Variants in NOX4 observed in about 807,000 individuals in gnomAD.
The protein encoded by NOX4 is kidney oxidase-1.
A neutral mutation model predicts 87.6 loss-of-function variants in NOX4; 69 were observed. That is an observed-to-expected ratio of 0.79 (90% confidence interval 0.65 to 0.96). The LOEUF is 0.96. Among genes scored for constraint, NOX4 ranks in the 40% least tolerant of loss-of-function variants. The pLI is 0.00. For missense variants in NOX4, 680 were observed against 681.5 expected, an observed-to-expected ratio of 1.00 and a Z score of 0.02; for synonymous variants, 275 against 238.2, an observed-to-expected ratio of 1.15 and a Z score of -1.42.
chr11:89,501,612 A>G (rs1947021363), upstream of NOX4, among the ~76,000 whole-genome samples: 1 of 152,038 alleles, frequency 6.6e-6, no homozygotes. Flanking sequence ...GTATACAACG[A>G]CCTTTGTTGT....
intron 2 of NOX4, among the ~76,000 whole-genome samples, chr11:89,474,769 T>C (rs956952617): frequency 4.6e-5 from 7 of 152,148 alleles, no homozygotes; most frequent in East Asian, 1.9e-4. Flanking sequence ...CAGTGTTTAA[T>C]ATACAGAATC....
chr11:89,453,120 T>TCA (rs1391022829), intron 2 of NOX4, among the ~76,000 whole-genome samples: 1 of 152,164 alleles, frequency 6.6e-6, no homozygotes, highest in African/African-American at 2.4e-5. Context: ...TTAACTATAG[T>TCA]CACCCTGTTG....
rs1009107327 is a variant in NOX4 at position 89,490,795 on chromosome 11, T to C, written c.58-242A>G. 20 of 697,068 alleles carry C rather than the reference T, an allele frequency of 2.9e-5. 1 individual carries two copies. The highest frequency in any genetic ancestry group is 2.3e-4 in the African/African-American group (13 of 56,986). The allele number at this position is 697,068 out of a possible 1,614,324, so 43.2% of individuals were successfully genotyped here. On this transcript the variant is annotated intron_variant, in intron 1 of 17. Transcript: ENST00000263317. ...GGTTGCAAATAGGTTTCCTAAATGA[T>C]TTACAGCTATCCCCTGCCGTACAAA...
the NOX4 span, among the ~76,000 whole-genome samples, chr11:89,550,456 G>C: frequency 6.6e-6 from 1 of 152,034 alleles, no homozygotes; most frequent in African/African-American, 2.4e-5. Context: ...ATAATGCTGG[G>C]ATTACAGGTG....
chr11:89,537,921 T>G, the NOX4 span, among the ~76,000 whole-genome samples: 1 of 152,218 alleles, frequency 6.6e-6, no homozygotes. Context: ...TGAGTTTTCC[T>G]ACACCAACCA....
At chr11:89,488,106 A>G (rs1195430281) in intron 2 of NOX4, among the ~76,000 whole-genome samples, 2 of 152,140 alleles carry the variant, frequency 1.3e-5, no homozygotes, top group Admixed American at 6.5e-5. Flanking sequence ...TCCTGTCCAC[A>G]GTGACTCTTG....
At chr11:89,349,141 G>A (rs1946340645) in intron 13 of NOX4, among the ~76,000 whole-genome samples, 1 of 151,834 alleles carries the variant, frequency 6.6e-6, no homozygotes, top group Non-Finnish European at 1.5e-5. Context: ...ACAAAAATTA[G>A]CCCGGCATGG....
chr11:89,391,102 A>G (rs577310605), intron 11 of NOX4, among the ~76,000 whole-genome samples: 1 of 152,292 alleles, frequency 6.6e-6, no homozygotes, highest in Non-Finnish European at 1.5e-5. Flanking sequence ...ACAGATATGC[A>G]TTGATTATGC....
the NOX4 span, among the ~76,000 whole-genome samples, chr11:89,514,648 G>A: frequency 1.3e-5 from 2 of 151,644 alleles, no homozygotes; most frequent in Non-Finnish European, 3.0e-5. Context: ...CTTAAGTTGA[G>A]GGTTTGTTTG....
chr11:89,440,732 A>C lies in NOX4; in HGVS notation c.448-17T>G. 1.4e-6 allele frequency: 2 copies of C among 1,451,328 alleles called. No homozygotes were observed. The highest frequency in any genetic ancestry group is 2.5e-5 in the South Asian group (2 of 81,332). 89.9% of individuals were successfully genotyped at this position (1,451,328 alleles called of 1,614,324 possible). ...TCTAGGATCCTGAGAAAAAGAAAAA[A>C]AAATAAATGATTAAAAACTAAAGCA... On this transcript the variant is annotated splice_polypyrimidine_tract_variant and intron_variant, in intron 5 of 17. Coordinates refer to ENST00000263317, the MANE Select transcript of NOX4 (RefSeq NM_016931.5).
intron 2 of NOX4, among the ~76,000 whole-genome samples, chr11:89,483,961 G>C (rs1252365310): frequency 6.6e-6 from 1 of 152,020 alleles, no homozygotes; most frequent in Non-Finnish European, 1.5e-5. Flanking sequence ...TCCCTCACTA[G>C]CAAGTTATAG....
chr11:89,542,647 G>A, the NOX4 span, among the ~76,000 whole-genome samples: 3 of 152,090 alleles, frequency 2.0e-5, no homozygotes, highest in Non-Finnish European at 2.9e-5. Flanking sequence ...AGCTTTTAGT[G>A]GTGTTCTTTG....
At chr11:89,449,852 A>G (rs1270313440) in intron 3 of NOX4, among the ~76,000 whole-genome samples, 2 of 152,142 alleles carry the variant, frequency 1.3e-5, no homozygotes, top group Non-Finnish European at 2.9e-5. Context: ...CACTTACCAC[A>G]AATTGTCATC....
At chr11:89,527,231 C>G in the NOX4 span, among the ~76,000 whole-genome samples, 1 of 152,146 alleles carries the variant, frequency 6.6e-6, no homozygotes, top group Non-Finnish European at 1.5e-5. Flanking sequence ...CTCTTACAAG[C>G]ATTCAGTTTT....
upstream of NOX4, among the ~76,000 whole-genome samples, chr11:89,502,957 C>A (rs1947037472): frequency 2.6e-5 from 4 of 151,952 alleles, no homozygotes; most frequent in South Asian, 8.3e-4. Flanking sequence ...GTAGTTGTCA[C>A]CTTAGGGTCT....
upstream of NOX4, among the ~76,000 whole-genome samples, chr11:89,500,083 G>C (rs1168463799): frequency 6.6e-6 from 1 of 152,046 alleles, no homozygotes; most frequent in African/African-American, 2.4e-5. Context: ...ATTATGTGTT[G>C]CCTAGCATAT....
the NOX4 span, among the ~76,000 whole-genome samples, chr11:89,573,493 C>G: frequency 6.6e-6 from 1 of 152,144 alleles, no homozygotes; most frequent in Admixed American, 6.5e-5. Flanking sequence ...GAGCCGAGAT[C>G]GCCCACATGA....
upstream of NOX4, among the ~76,000 whole-genome samples, chr11:89,503,139 C>G (rs1242750490): frequency 1.3e-5 from 2 of 151,938 alleles, no homozygotes; most frequent in Admixed American, 6.6e-5. Context: ...TGTGGACAGG[C>G]ACTTGTTAGC....
chr11:89,324,632 T>G lies in NOX4; in HGVS notation c.*2124A>C, dbSNP rs1945150365. 6.6e-6 allele frequency: 1 copy of G among 152,200 alleles called. No homozygotes were observed. The highest frequency in any genetic ancestry group is 6.5e-5 in the Admixed American group (1 of 15,278). The allele number at this position is 152,200 out of a possible 1,614,324, so 9.4% of individuals were successfully genotyped here. On this transcript the variant is annotated 3_prime_UTR_variant, in exon 18 of 18. Transcript: ENST00000263317. ...ACCTGTTTTAATGAAATTAGGTCTATTAATATGATCGCATAAATAAATTAT... is the reference window on the plus strand; with the variant it reads ...ACCTGTTTTAATGAAATTAGGTCTAGTAATATGATCGCATAAATAAATTAT...
Sources: gnomAD v4.1 joint callset for allele counts (sites outside exome capture counted in the v4.1 genomes callset) on GRCh38, gnomAD v4.1.1 for gene constraint, MANE v1.5 for transcripts, NCBI Gene and HGNC (gene_info 2026-07-23, HGNC 2026-07-21) for gene names.